GALNT17: variants seen among roughly 807,000 people sequenced by gnomAD.
The protein encoded by GALNT17 is polypeptide N-acetylgalactosaminyltransferase 17, also known as UDP-GalNAc:polypeptide N-acetylgalactosaminyltransferase-like 3.
A neutral mutation model predicts 63.7 loss-of-function variants in GALNT17; 29 were observed. The observed-to-expected ratio is 0.46, with a 90% confidence interval of 0.34 to 0.62. The LOEUF is 0.62. Ranked by LOEUF, GALNT17 falls within the 20% of genes least tolerant of loss-of-function variation. The probability of loss-of-function intolerance (pLI) is 0.01; values close to 1 mark genes in which losing one functional copy is unlikely to be tolerated. For synonymous variants in GALNT17, 305 were observed against 318.3 expected, an observed-to-expected ratio of 0.96 and a Z score of 0.45; for missense variants, 603 against 799.6, an observed-to-expected ratio of 0.75 and a Z score of 2.97.
intron 5 of GALNT17, among the ~76,000 whole-genome samples, chr7:71,541,997 T>C (rs1006030678): frequency 4.6e-5 from 7 of 152,172 alleles, no homozygotes; most frequent in Admixed American, 2.6e-4. Context: ...TTCATTCATA[T>C]AGAGCACTTG....
intron 5 of GALNT17, among the ~76,000 whole-genome samples, chr7:71,482,551 T>A (rs1429133994): frequency 6.6e-6 from 1 of 152,208 alleles, no homozygotes; most frequent in Non-Finnish European, 1.5e-5. Flanking sequence ...CCTATTACAC[T>A]CCTAGCCTGT....
chr7:71,336,132 C>T (rs1305541228), intron 2 of GALNT17, among the ~76,000 whole-genome samples: 1 of 149,820 alleles, frequency 6.7e-6, no homozygotes, highest in Non-Finnish European at 1.5e-5. Flanking sequence ...GCAACCTCCG[C>T]CTTTTGGGGT....
chr7:71,471,810 T>G (rs989900787), intron 5 of GALNT17, among the ~76,000 whole-genome samples: 1 of 152,206 alleles, frequency 6.6e-6, no homozygotes, highest in Non-Finnish European at 1.5e-5. Flanking sequence ...ATGTGTGTAT[T>G]GGCTGAATCC....
chr7:71,181,711 A>G (rs1406935640), intron 1 of GALNT17, among the ~76,000 whole-genome samples: 1 of 151,906 alleles, frequency 6.6e-6, no homozygotes, highest in African/African-American at 2.4e-5. Context: ...CCTATAAAAA[A>G]GTAAAAATAA....
chr7:71,209,568 T>C (rs1789337426), intron 1 of GALNT17, among the ~76,000 whole-genome samples: 1 of 152,150 alleles, frequency 6.6e-6, no homozygotes, highest in Non-Finnish European at 1.5e-5. Flanking sequence ...TGATCATGGC[T>C]CACTGCAGCC....
Position 71,647,062 on chromosome 7 carries a change from A to C in GALNT17, c.1081-18349A>C, listed in dbSNP as rs572502429. Among the ~76,000 whole-genome samples, 4 of 141,498 alleles carry C rather than the reference A, an allele frequency of 2.8e-5. No individual in the cohort carries two copies. The South Asian group carries it at 6.8e-4, about 24-fold the overall frequency. The allele number at this position is 141,498 out of a possible 152,430, so 92.8% of individuals were successfully genotyped here. On this transcript the variant is annotated intron_variant, in intron 6 of 10. Transcript: ENST00000333538. ...CCCCTGGCCCAATTTTGCTATTTTT[A>C]TTTATTTTATTTTATTTTTTGAGAC...
At chr7:71,598,565 G>A (rs1365024768) in intron 6 of GALNT17, among the ~76,000 whole-genome samples, 5 of 152,032 alleles carry the variant, frequency 3.3e-5, no homozygotes, top group African/African-American at 4.8e-5. Context: ...TTTTAATTTA[G>A]TAGATTTCAG....
intron 9 of GALNT17, among the ~76,000 whole-genome samples, chr7:71,688,432 T>G (rs1791394592): frequency 6.6e-6 from 1 of 152,172 alleles, no homozygotes; most frequent in Admixed American, 6.6e-5. Context: ...TTACATGCTT[T>G]CTGCTTGCTG....
chr7:71,429,643 AG>A (rs1173209375), intron 5 of GALNT17, among the ~76,000 whole-genome samples: 1 of 152,206 alleles, frequency 6.6e-6, no homozygotes, highest in Non-Finnish European at 1.5e-5. Context: ...CCTGGGCTCA[AG>A]CGATACTCCT....
chr7:71,330,361 A>T (rs1357349604), intron 1 of GALNT17, among the ~76,000 whole-genome samples: 1 of 150,722 alleles, frequency 6.6e-6, no homozygotes, highest in African/African-American at 2.4e-5. Flanking sequence ...ACACTTAGTT[A>T]TTTTTTTTCC....
chr7:71,159,000 G>T (rs6943535), intron 1 of GALNT17, among the ~76,000 whole-genome samples: 70,249 of 151,494 alleles, frequency 0.46, 17,987 homozygotes, highest in African/African-American at 0.64. Context: ...TCTGCTCCTC[G>T]TCTGGTGTTT....
chr7:71,261,011 C>T (rs1225712191), intron 1 of GALNT17, among the ~76,000 whole-genome samples: 4 of 152,220 alleles, frequency 2.6e-5, no homozygotes, highest in Admixed American at 1.3e-4. Flanking sequence ...GGCTCATCCT[C>T]CTGAGTGGGC....
intron 5 of GALNT17, among the ~76,000 whole-genome samples, chr7:71,565,306 G>GC (rs1273792031): frequency 1.2e-4 from 18 of 151,920 alleles, no homozygotes; most frequent in Non-Finnish European, 2.5e-4. Context: ...GAAAGATGTT[G>GC]CCCAAAGGGT....
intron 1 of GALNT17, among the ~76,000 whole-genome samples, chr7:71,214,645 T>G (rs1454222433): frequency 6.6e-6 from 1 of 151,760 alleles, no homozygotes; most frequent in Non-Finnish European, 1.5e-5. Flanking sequence ...TGGTGTGATC[T>G]TGGCTCACTG....
chr7:71,218,534 T>C (rs887070647), intron 1 of GALNT17, among the ~76,000 whole-genome samples: 21 of 152,094 alleles, frequency 1.4e-4, no homozygotes, highest in African/African-American at 5.1e-4. Flanking sequence ...TGATTCTAAG[T>C]TCAAAGTAGT....
At chr7:71,133,298 G>C (rs1241171888) in intron 1 of GALNT17, among the ~76,000 whole-genome samples, 2 of 152,164 alleles carry the variant, frequency 1.3e-5, no homozygotes, top group African/African-American at 4.8e-5. Flanking sequence ...TTGGCTCCCG[G>C]TCCCCGCGTG....
intron 1 of GALNT17, chr7:71,300,347 C>A: frequency 2.4e-6 from 1 of 419,316 alleles, no homozygotes; most frequent in East Asian, 7.3e-5. Context: ...GATTTCAAAA[C>A]CAAGACGACA....
chr7:71,412,234 G>A (rs1428217207), intron 3 of GALNT17, among the ~76,000 whole-genome samples: 8 of 152,218 alleles, frequency 5.3e-5, no homozygotes, highest in Non-Finnish European at 1.5e-5. Flanking sequence ...GAGCCCGGGA[G>A]GTCGAGGCTG....
chr7:71,286,691 C>T (rs908225330), intron 1 of GALNT17, among the ~76,000 whole-genome samples: 2 of 152,064 alleles, frequency 1.3e-5, no homozygotes, highest in Admixed American at 1.3e-4. Flanking sequence ...TTAGGCCTTC[C>T]TGAGCCTTGG....
Sources: allele counts gnomAD v4.1 joint callset (sites outside exome capture counted in the v4.1 genomes callset), GRCh38; gene constraint gnomAD v4.1.1; transcripts MANE v1.5; gene names NCBI Gene and HGNC (gene_info 2026-07-23, HGNC 2026-07-21).